ZMAT4: variants seen among roughly 807,000 people sequenced by gnomAD.
ZMAT4 encodes the protein zinc finger matrin-type protein 4.
ZMAT4 carries 17 observed loss-of-function variants against 28.7 expected under a neutral mutation model. The ratio of observed to expected loss-of-function variants is 0.59; its 90% CI spans 0.41 to 0.89. The LOEUF (loss-of-function observed/expected upper bound fraction) is 0.89, where lower values mean the gene tolerates loss of function less well. ZMAT4 is among the 40% of genes least tolerant of loss of function. The pLI is 0.00. For synonymous variants in ZMAT4, 117 were observed against 109.2 expected, an observed-to-expected ratio of 1.07 and a Z score of -0.44; for missense variants, 240 against 283.8, an observed-to-expected ratio of 0.85 and a Z score of 1.11.
chr8:40,654,309 A>G (rs2589889), intron 5 of ZMAT4, among the ~76,000 whole-genome samples: 85,350 of 151,906 alleles, frequency 0.56, 24,714 homozygotes, highest in East Asian at 0.69. Context: ...CCTGTTCTGG[A>G]TAGTGGTCCT....
intron 3 of ZMAT4, among the ~76,000 whole-genome samples, chr8:40,702,121 C>A (rs1278692726): frequency 1.3e-5 from 2 of 152,140 alleles, no homozygotes; most frequent in African/African-American, 4.8e-5. Context: ...GCAAGAAAAT[C>A]CTCACCAGAT....
intron 1 of ZMAT4, among the ~76,000 whole-genome samples, chr8:40,861,795 T>C (rs924672650): frequency 1.3e-5 from 2 of 152,316 alleles, no homozygotes; most frequent in African/African-American, 2.4e-5. Context: ...AAGACATTTA[T>C]GCAGCCAAAA....
chr8:40,603,819 A>G (rs1190584580), intron 5 of ZMAT4, among the ~76,000 whole-genome samples: 3 of 151,926 alleles, frequency 2.0e-5, no homozygotes, highest in Admixed American at 6.6e-5. Flanking sequence ...TTTAGTAGAG[A>G]TGGGGTTTTA....
intron 2 of ZMAT4, among the ~76,000 whole-genome samples, chr8:40,773,041 A>T (rs189739473): frequency 1.3e-5 from 2 of 152,344 alleles, no homozygotes; most frequent in African/African-American, 4.8e-5. Context: ...AAGGTGCAGC[A>T]TGGTCTCACT....
At chr8:40,637,556 A>G (rs1806842898) in intron 5 of ZMAT4, among the ~76,000 whole-genome samples, 3 of 152,228 alleles carry the variant, frequency 2.0e-5, no homozygotes, top group African/African-American at 7.2e-5. Context: ...AATTAGATTA[A>G]TTTTAGAAAC....
intron 1 of ZMAT4, among the ~76,000 whole-genome samples, chr8:40,892,806 C>G (rs2150672823): frequency 6.6e-6 from 1 of 152,284 alleles, no homozygotes; most frequent in Middle Eastern, 3.4e-3. Flanking sequence ...GCAGCTGGTG[C>G]AGGGCAGGGG....
At chr8:40,749,683 A>G (rs1812378344) in intron 3 of ZMAT4, among the ~76,000 whole-genome samples, 9 of 152,216 alleles carry the variant, frequency 5.9e-5, no homozygotes, top group Admixed American at 5.2e-4. Flanking sequence ...GGGACTACTA[A>G]GGTCACTTAT....
chr8:40,892,909 C>T (rs1818745340), intron 1 of ZMAT4, among the ~76,000 whole-genome samples: 1 of 152,224 alleles, frequency 6.6e-6, no homozygotes, highest in Non-Finnish European at 1.5e-5. Flanking sequence ...TCCCTCCTCA[C>T]AGATCTGTGG....
At chr8:40,714,558 A>G (rs1810762291) in intron 3 of ZMAT4, among the ~76,000 whole-genome samples, 1 of 152,176 alleles carries the variant, frequency 6.6e-6, no homozygotes, top group Non-Finnish European at 1.5e-5. Flanking sequence ...GCAGCTTTTT[A>G]TGGGGTGTCA....
At chr8:40,572,946 T>C (rs559723269) in intron 6 of ZMAT4, among the ~76,000 whole-genome samples, 1 of 152,316 alleles carries the variant, frequency 6.6e-6, no homozygotes, top group Non-Finnish European at 1.5e-5. Flanking sequence ...TTGCCTCTGC[T>C]AACAATTACT....
At chr8:40,573,203 G>T (rs1055434809) in intron 6 of ZMAT4, among the ~76,000 whole-genome samples, 1 of 152,168 alleles carries the variant, frequency 6.6e-6, no homozygotes, top group African/African-American at 2.4e-5. Context: ...TTAGTAAAAT[G>T]TGTCTAAAGG....
intron 5 of ZMAT4, among the ~76,000 whole-genome samples, chr8:40,600,743 C>T (rs1043432349): frequency 6.6e-6 from 1 of 152,200 alleles, no homozygotes; most frequent in Non-Finnish European, 1.5e-5. Flanking sequence ...CTGACTTAGT[C>T]CTGATACCAG....
intron 3 of ZMAT4, among the ~76,000 whole-genome samples, chr8:40,700,350 C>T (rs1200511689): frequency 6.8e-6 from 1 of 147,468 alleles, no homozygotes; most frequent in East Asian, 2.1e-4. Context: ...GTGTCTAATT[C>T]AGTCGTACCA....
intron 1 of ZMAT4, among the ~76,000 whole-genome samples, chr8:40,848,701 C>CA (rs2150633270): frequency 6.6e-6 from 1 of 152,130 alleles, no homozygotes; most frequent in Non-Finnish European, 1.5e-5. Flanking sequence ...AAAAAGTACC[C>CA]AATGGTTCTT....
intron 1 of ZMAT4, among the ~76,000 whole-genome samples, chr8:40,830,244 C>CATA (rs1816231703): frequency 1.3e-5 from 2 of 152,082 alleles, no homozygotes; most frequent in South Asian, 4.1e-4. Context: ...CATATGTATA[C>CATA]TGCATAATGG....
intron 5 of ZMAT4, among the ~76,000 whole-genome samples, chr8:40,622,241 G>T (rs1806227657): frequency 1.3e-5 from 2 of 152,144 alleles, no homozygotes; most frequent in African/African-American, 4.8e-5. Context: ...GATATTTGGG[G>T]TTTATACTTT....
intron 6 of ZMAT4, among the ~76,000 whole-genome samples, chr8:40,578,115 A>C (rs1251072675): frequency 6.6e-6 from 1 of 152,100 alleles, no homozygotes; most frequent in African/African-American, 2.4e-5. Flanking sequence ...GATTTACACT[A>C]TCAGATATCA....
intron 1 of ZMAT4, among the ~76,000 whole-genome samples, chr8:40,896,703 C>T (rs1309552321): frequency 2.0e-5 from 3 of 152,192 alleles, no homozygotes; most frequent in Admixed American, 6.5e-5. Context: ...AAGGGTGCTT[C>T]TGGGCTGAAC....
At chr8:40,645,904 C>T (rs185461176) in intron 5 of ZMAT4, among the ~76,000 whole-genome samples, 1 of 152,072 alleles carries the variant, frequency 6.6e-6, no homozygotes, top group East Asian at 1.9e-4. Flanking sequence ...AACAATAATA[C>T]AACAAAGTGA....
Sources: allele counts gnomAD v4.1 joint callset (sites outside exome capture counted in the v4.1 genomes callset), GRCh38; gene constraint gnomAD v4.1.1; transcripts MANE v1.5; gene names NCBI Gene and HGNC (gene_info 2026-07-23, HGNC 2026-07-21).